Variants in ST3GAL5 observed in about 807,000 individuals in gnomAD.
The protein encoded by ST3GAL5 is ST3 beta-galactoside alpha-2,3-sialyltransferase 5.
In ST3GAL5, 25 loss-of-function variants were observed where a neutral mutation model predicts 46.1. The observed-to-expected ratio is 0.54, with a 90% CI of 0.40 to 0.76. The LOEUF (loss-of-function observed/expected upper bound fraction) is 0.76, where lower values mean the gene tolerates loss of function less well. ST3GAL5 is among the 30% of genes least tolerant of loss of function. ST3GAL5 has a pLI of 0.00. For missense variants in ST3GAL5, 431 were observed against 521.2 expected, an observed-to-expected ratio of 0.83 and a Z score of 1.69; for synonymous variants, 182 against 192.7, an observed-to-expected ratio of 0.94 and a Z score of 0.46.
At chr2:85,842,184 A>T (rs1447895531) in intron 6 of ST3GAL5, among the ~76,000 whole-genome samples, 2 of 152,168 alleles carry the variant, frequency 1.3e-5, no homozygotes, top group Non-Finnish European at 2.9e-5. Flanking sequence ...GTTAAAAAGG[A>T]ACTCAACAGC....
Position 85,861,209 on chromosome 2 carries a change from AT to A in ST3GAL5, c.289del (p.Met97CysfsTer9). On this transcript the variant is annotated frameshift_variant, in exon 3 of 7. Coordinates refer to ENST00000638572, the MANE Select transcript of ST3GAL5 (RefSeq NM_003896.4). LOFTEE classifies it high-confidence loss of function. ...YTTEECDMKK[M>X]HYVDPDHVKR... Reference sequence around the variant, plus strand: ...TACATGGTCAGGGTCCACATAATGCATTTTTTTCATGTCACATTCTTCAGTA... The same window carrying A: ...TACATGGTCAGGGTCCACATAATGCATTTTTTCATGTCACATTCTTCAGTA... The A allele has an allele frequency of 1.2e-6, 2 of 1,611,978 alleles. No individual in the cohort carries two copies. Among genetic ancestry groups the A allele is most frequent in the Non-Finnish European group, 8.5e-7 (1 of 1,178,368 alleles).
chr2:85,861,332 G>A, intron 2 of ST3GAL5, 40 bp from the exon 3 acceptor site: 1 of 1,255,174 alleles, frequency 8.0e-7, no homozygotes. Flanking sequence ...GTAGTCATGT[G>A]AGAATCATGA....
At position 85,863,309 on chromosome 2, in the gene ST3GAL5, C is replaced by G. The variant is rs1684923954; in HGVS notation, c.206+53G>C. The G allele has an allele frequency of 1.9e-6, 3 of 1,612,382 alleles. No homozygotes were observed. In the East Asian group the frequency reaches 6.7e-5, roughly 36 times the overall value. ...CTCTCACTGAATTTTTCTCCTAGTT[C>G]TACACAGTTGACCCAAAGCAGGGGG... On this transcript the variant is annotated intron_variant, in intron 2 of 6. Transcript: ENST00000638572.
intron 1 of ST3GAL5, among the ~76,000 whole-genome samples, chr2:85,869,215 A>G (rs1400542512): frequency 2.0e-5 from 3 of 151,638 alleles, no homozygotes; most frequent in Non-Finnish European, 4.4e-5. Flanking sequence ...GCACCCAGCT[A>G]TCTGTTTATT....
In ST3GAL5 at chr2:85,852,955, G is replaced by A. The variant is rs910469256; in HGVS notation, c.319-4751C>T. The stretch of plus-strand genomic sequence containing the variant: ...ATGCTGGTGCCTGGGCTCACTGAAT[G>A]CTTCAGCAGGGAGGGCCCTGCTTCC... On this transcript the variant is annotated intron_variant, in intron 3 of 6. Transcript: ENST00000638572. The A allele has an allele frequency of 2.3e-6, 3 of 1,304,144 alleles. No homozygotes were observed. In the African/African-American group the frequency reaches 4.6e-5, roughly 20 times the overall value. The allele number at this position is 1,304,144 out of a possible 1,614,324, so 80.8% of individuals were successfully genotyped here. A position where few individuals can be genotyped will look rare whatever the true frequency, so the allele number is the denominator to read the frequency against.
intron 1 of ST3GAL5, among the ~76,000 whole-genome samples, chr2:85,870,982 C>A: frequency 6.6e-6 from 1 of 151,560 alleles, no homozygotes; most frequent in Middle Eastern, 3.2e-3. Context: ...TACATGCATA[C>A]AATTTACAAT....
In ST3GAL5 at chr2:85,863,579, C is replaced by T. The variant is rs142826353; in HGVS notation, c.83-94G>A. On this transcript the variant is annotated intron_variant, in intron 1 of 6. Coordinates refer to ENST00000638572, the MANE Select transcript of ST3GAL5 (RefSeq NM_003896.4). ...TTCAAAGAGCCTTTATATGTTGCAT[C>T]CATACCATGGAATAGTAACTGGCAA... 1,871 of 1,377,132 alleles carry T rather than the reference C, an allele frequency of 1.4e-3. 1 individual carries two copies. Among genetic ancestry groups the T allele is most frequent in the Non-Finnish European group, 1.8e-3 (1,721 of 971,346 alleles). The allele number at this position is 1,377,132 out of a possible 1,614,324, so 85.3% of individuals were successfully genotyped here. A position where few individuals can be genotyped will look rare whatever the true frequency, so the allele number is the denominator to read the frequency against.
At chr2:85,876,696 C>T (rs923446873) in intron 1 of ST3GAL5, among the ~76,000 whole-genome samples, 1 of 152,104 alleles carries the variant, frequency 6.6e-6, no homozygotes, top group Non-Finnish European at 1.5e-5. Context: ...CTCCTGACCT[C>T]AAGTGATCTG....
rs191450095 is a variant in ST3GAL5 at position 85,848,500 on chromosome 2, G to T, written c.319-296C>A. On this transcript the variant is annotated intron_variant, in intron 3 of 6. Transcript: ENST00000638572. ...CCTAACACTGTTCAAATACATTTGG[G>T]GTGAAAATGTACTTCGGGGTGTCTA... The T allele has an allele frequency of 6.0e-4, 602 of 1,010,150 alleles. 5 individuals carry two copies. The African/African-American group carries it at 7.8e-3, about 13-fold the overall frequency. The allele number at this position is 1,010,150 out of a possible 1,614,324, so 62.6% of individuals were successfully genotyped here.
Position 85,839,801 on chromosome 2 carries a change from T to G in ST3GAL5, c.*343A>C. ...TGACCTCCCCTCTCCTTCCAATTAGTTACCTGTATTCAATGTGCAGTGTAA... is the reference window on the plus strand; with the variant it reads ...TGACCTCCCCTCTCCTTCCAATTAGGTACCTGTATTCAATGTGCAGTGTAA... On this transcript the variant is annotated 3_prime_UTR_variant, in exon 7 of 7. Coordinates refer to ENST00000638572, the MANE Select transcript of ST3GAL5 (RefSeq NM_003896.4). 2.9e-6 allele frequency: 1 copy of G among 345,864 alleles called. No homozygotes were observed. The allele number at this position is 345,864 out of a possible 1,614,324, so 21.4% of individuals were successfully genotyped here.
chr2:85,853,022 G>A (rs755596035), intron 3 of ST3GAL5: 149 of 1,303,528 alleles, frequency 1.1e-4, no homozygotes, highest in Non-Finnish European at 1.5e-4. Context: ...GAGAGAAGAC[G>A]ATGAAGAAGC....
intron 1 of ST3GAL5, among the ~76,000 whole-genome samples, chr2:85,885,786 C>T (rs1573736075): frequency 6.6e-6 from 1 of 150,566 alleles, no homozygotes; most frequent in East Asian, 1.9e-4. Flanking sequence ...GATCGTGCCA[C>T]TGCACTCCAG....
chr2:85,880,089 AG>A (rs1272343892), intron 1 of ST3GAL5, among the ~76,000 whole-genome samples: 2 of 152,220 alleles, frequency 1.3e-5, no homozygotes, highest in Admixed American at 1.3e-4. Context: ...TATGTCTTAT[AG>A]GAACAGAAGA....
intron 3 of ST3GAL5, chr2:85,860,916 G>A (rs925057046): frequency 1.7e-5 from 8 of 457,938 alleles, no homozygotes; most frequent in Non-Finnish European, 4.0e-6. Context: ...AATTCCAGGA[G>A]AGGAGCCCTA....
Position 85,846,455 on chromosome 2 carries a change from G to C in ST3GAL5, c.771C>G (p.Ser257=), listed in dbSNP as rs1682805181. 1.9e-6 allele frequency: 3 copies of C among 1,613,996 alleles called. No homozygotes were observed. In the Admixed American group the frequency reaches 5.0e-5, roughly 27 times the overall value. The change falls in exon 5 of 7, where the codon TCC becomes TCG. Residue 257 remains serine, a synonymous_variant. Transcript: ENST00000638572. ...GAPLSDLEYY[S]NDLFVAVLFK... ...ATAAAACAGCAACAAATAAGTCATTGGAATAATATTCAAGGTCAGACAGTG... is the reference window on the plus strand; with the variant it reads ...ATAAAACAGCAACAAATAAGTCATTCGAATAATATTCAAGGTCAGACAGTG...
intron 6 of ST3GAL5, among the ~76,000 whole-genome samples, chr2:85,844,046 T>A (rs1205544446): frequency 3.3e-5 from 5 of 152,198 alleles, no homozygotes; most frequent in African/African-American, 4.8e-5. Flanking sequence ...TTTAAATTTT[T>A]AAAAAATTAA....
At chr2:85,872,831 G>A (rs1686099672) in intron 1 of ST3GAL5, among the ~76,000 whole-genome samples, 1 of 152,222 alleles carries the variant, frequency 6.6e-6, no homozygotes, top group Admixed American at 6.5e-5. Flanking sequence ...GGAGTTTTGT[G>A]TTTGAGAGGA....
rs896949468 is a variant in ST3GAL5 at position 85,851,368 on chromosome 2, T to C, written c.319-3164A>G. On this transcript the variant is annotated intron_variant, in intron 3 of 6. Transcript: ENST00000638572. Reference sequence around the variant, plus strand: ...CAACGTCTAAAGCCACAGCAATTCCTTGTCCTCTTTTGTTTCAACTCGTTT... The same window carrying C: ...CAACGTCTAAAGCCACAGCAATTCCCTGTCCTCTTTTGTTTCAACTCGTTT... 1.4e-5 allele frequency: 16 copies of C among 1,179,576 alleles called. No homozygotes were observed. In the African/African-American group the frequency reaches 2.6e-4, roughly 19 times the overall value. The allele number at this position is 1,179,576 out of a possible 1,614,324, so 73.1% of individuals were successfully genotyped here. A position where few individuals can be genotyped will look rare whatever the true frequency, so the allele number is the denominator to read the frequency against.
chr2:85,863,027 A>C (rs986444048), intron 2 of ST3GAL5, among the ~76,000 whole-genome samples: 3 of 152,172 alleles, frequency 2.0e-5, no homozygotes, highest in Non-Finnish European at 4.4e-5. Flanking sequence ...TTTTAGATTA[A>C]CTTACAATAG....
Sources: allele counts gnomAD v4.1 joint callset (sites outside exome capture counted in the v4.1 genomes callset), GRCh38; gene constraint gnomAD v4.1.1; transcripts MANE v1.5; gene names NCBI Gene and HGNC (gene_info 2026-07-23, HGNC 2026-07-21).